The following PTPRD variants were observed in gnomAD, a reference collection of about 807,000 sequenced individuals.
The protein encoded by PTPRD is receptor-type tyrosine-protein phosphatase delta.
PTPRD carries 34 observed loss-of-function variants against 214.5 expected under a neutral mutation model. The ratio of observed to expected loss-of-function variants is 0.16; its 90% CI spans 0.12 to 0.21. PTPRD has a LOEUF of 0.21. PTPRD is among the 10% of genes least tolerant of loss of function. The pLI is 1.00. For missense variants in PTPRD, 2,545 were observed against 2,398.7 expected (o/e 1.06, Z -1.27); for synonymous variants, 1,128 against 845.7 (o/e 1.33, Z -5.79).
intron 8 of PTPRD, among the ~76,000 whole-genome samples, chr9:9,557,078 A>C (rs1396917169): frequency 6.6e-6 from 1 of 152,284 alleles, no homozygotes; most frequent in East Asian, 1.9e-4. Context: ...ATGGAAGAAA[A>C]GTAGTATCCT....
chr9:8,483,375 A>C (rs970237174), intron 30 of PTPRD, among the ~76,000 whole-genome samples: 28 of 152,246 alleles, frequency 1.8e-4, no homozygotes, highest in African/African-American at 6.5e-4. Context: ...GTACTTTGTA[A>C]GACTTCTTCA....
chr9:8,880,224 T>C (rs1025340881), intron 11 of PTPRD, among the ~76,000 whole-genome samples: 3 of 152,158 alleles, frequency 2.0e-5, no homozygotes, highest in Non-Finnish European at 4.4e-5. Flanking sequence ...TGATATAAGC[T>C]GGGAGGGTAG....
At chr9:9,142,968 C>A (rs1469568429) in intron 10 of PTPRD, among the ~76,000 whole-genome samples, 5 of 152,100 alleles carry the variant, frequency 3.3e-5, no homozygotes, top group African/African-American at 1.2e-4. Flanking sequence ...AAAGACCCTA[C>A]CTGTACCCCT....
At chr9:8,366,011 C>T (rs10976997) in intron 39 of PTPRD, among the ~76,000 whole-genome samples, 9,946 of 152,288 alleles carry the variant, frequency 0.065, 418 homozygotes, top group Middle Eastern at 0.11. Flanking sequence ...TGCTAACTGA[C>T]AGACATACCC....
At chr9:10,250,531 C>A (rs993928835) in intron 3 of PTPRD, among the ~76,000 whole-genome samples, 4 of 152,080 alleles carry the variant, frequency 2.6e-5, no homozygotes, top group African/African-American at 9.7e-5. Context: ...TGATATTTAG[C>A]AAGAGACAAG....
At chr9:9,749,512 G>A (rs1237995491) in intron 6 of PTPRD, among the ~76,000 whole-genome samples, 1 of 152,192 alleles carries the variant, frequency 6.6e-6, no homozygotes, top group Middle Eastern at 3.4e-3. Flanking sequence ...AACACTGGAT[G>A]ACATTATCAG....
chr9:8,995,127 A>G lies in PTPRD; in HGVS notation c.-104+23570T>C, dbSNP rs546411660. On this transcript the variant is annotated intron_variant, in intron 11 of 45. Coordinates refer to ENST00000381196, the MANE Select transcript of PTPRD (RefSeq NM_002839.4). Reference sequence around the variant, plus strand: ...AAATTTATAAATTTATTAGATATATAACTGGCATTTTTTTAAAAGGAGGAG... The same window carrying G: ...AAATTTATAAATTTATTAGATATATGACTGGCATTTTTTTAAAAGGAGGAG... Among the ~76,000 whole-genome samples the G allele has an allele frequency of 9.2e-5, 14 of 152,170 alleles. 1 individual carries two copies. The highest frequency in any genetic ancestry group is 3.4e-3 in the Middle Eastern group (1 of 294).
At chr9:9,534,683 C>G (rs1451307773) in intron 8 of PTPRD, among the ~76,000 whole-genome samples, 1 of 152,024 alleles carries the variant, frequency 6.6e-6, no homozygotes, top group Non-Finnish European at 1.5e-5. Context: ...AATGTAATAT[C>G]TATTACTAGC....
chr9:10,065,172 A>AAAGAAAGAAAGAAAGAAAGAAAGG (rs1233026283), intron 3 of PTPRD, among the ~76,000 whole-genome samples: 2 of 151,208 alleles, frequency 1.3e-5, no homozygotes, highest in East Asian at 2.0e-4. Flanking sequence ...AGAAAGAAAG[A>AAAGAAAGAAAGAAAGAAAGAAAGG]AAGAAAGAAA....
intron 11 of PTPRD, among the ~76,000 whole-genome samples, chr9:8,917,366 G>C (rs7027454): frequency 0.073 from 10,950 of 150,260 alleles, 1,217 homozygotes; most frequent in African/African-American, 0.25. Context: ...TCCAACTCCT[G>C]ACCTCTGGTG....
At chr9:9,473,327 A>T (rs2094768740) in intron 8 of PTPRD, among the ~76,000 whole-genome samples, 2 of 152,168 alleles carry the variant, frequency 1.3e-5, no homozygotes, top group South Asian at 4.1e-4. Context: ...TTTATGTCTA[A>T]ATGGTATTCC....
At chr9:9,727,724 A>G (rs144727326) in intron 7 of PTPRD, among the ~76,000 whole-genome samples, 57 of 152,208 alleles carry the variant, frequency 3.7e-4, no homozygotes, top group African/African-American at 1.3e-3. Context: ...CTGAAATGAA[A>G]CTTGCCGTCT....
intron 7 of PTPRD, among the ~76,000 whole-genome samples, chr9:9,659,051 G>A (rs984293825): frequency 6.6e-6 from 1 of 152,054 alleles, no homozygotes; most frequent in Non-Finnish European, 1.5e-5. Context: ...TTGGAAAGAT[G>A]AGAATGAAAG....
intron 37 of PTPRD, among the ~76,000 whole-genome samples, chr9:8,385,973 T>C (rs979161083): frequency 3.9e-5 from 6 of 152,158 alleles, no homozygotes; most frequent in African/African-American, 1.4e-4. Context: ...ACTCTTTTCA[T>C]TTGGGAACAC....
chr9:9,486,377 T>C (rs1200184815), intron 8 of PTPRD, among the ~76,000 whole-genome samples: 1 of 152,074 alleles, frequency 6.6e-6, no homozygotes. Context: ...AACAGTATTC[T>C]TATTGCTTCC....
chr9:8,615,349 C>A (rs1384313447), intron 14 of PTPRD, among the ~76,000 whole-genome samples: 2 of 152,050 alleles, frequency 1.3e-5, no homozygotes, highest in Non-Finnish European at 2.9e-5. Context: ...GTAAGTACAC[C>A]AAGCACTCAT....
intron 3 of PTPRD, among the ~76,000 whole-genome samples, chr9:10,098,808 G>A (rs1422691368): frequency 6.6e-6 from 1 of 151,772 alleles, no homozygotes; most frequent in Non-Finnish European, 1.5e-5. Context: ...AAGACATGCA[G>A]GTGGTTAACT....
chr9:8,895,531 A>G (rs939919826), intron 11 of PTPRD, among the ~76,000 whole-genome samples: 17 of 152,200 alleles, frequency 1.1e-4, no homozygotes, highest in Non-Finnish European at 1.5e-5. Context: ...GGGAAGTCCA[A>G]CAGACTTCAA....
chr9:8,330,566 G>GAAAGT (rs945220436), intron 44 of PTPRD, among the ~76,000 whole-genome samples: 3 of 47,396 alleles, frequency 6.3e-5, no homozygotes, highest in Non-Finnish European at 9.3e-5. Context: ...TAACTCAATA[G>GAAAGT]AAAGTAGAAA....
Sources: gnomAD v4.1 joint callset for allele counts (sites outside exome capture counted in the v4.1 genomes callset) on GRCh38, gnomAD v4.1.1 for gene constraint, MANE v1.5 for transcripts, NCBI Gene and HGNC (gene_info 2026-07-23, HGNC 2026-07-21) for gene names.